Variants in KIAA1549 observed in about 807,000 individuals in gnomAD.
The protein encoded by KIAA1549 is UPF0606 protein KIAA1549.
KIAA1549 carries 70 observed loss-of-function variants against 156.4 expected under a neutral mutation model. The observed-to-expected ratio is 0.45, with a 90% CI of 0.37 to 0.55. The LOEUF (loss-of-function observed/expected upper bound fraction) is 0.55, where lower values mean the gene tolerates loss of function less well. Ranked by LOEUF, KIAA1549 falls within the 20% of genes least tolerant of loss-of-function variation. The probability of loss-of-function intolerance (pLI) is 0.00; values close to 1 mark genes in which losing one functional copy is unlikely to be tolerated. For missense variants in KIAA1549, 2,428 were observed against 2,540.9 expected (o/e 0.96, Z 0.96); for synonymous variants, 1,103 against 1,066.4 (o/e 1.03, Z -0.67).
At chr7:138,876,743 T>A (rs892085179) in intron 12 of KIAA1549, among the ~76,000 whole-genome samples, 2 of 152,176 alleles carry the variant, frequency 1.3e-5, no homozygotes, top group African/African-American at 2.4e-5. Context: ...TCCCTTCACA[T>A]CTTCACTAAG....
At chr7:138,972,978 C>T (rs1288850814) in intron 1 of KIAA1549, among the ~76,000 whole-genome samples, 2 of 152,142 alleles carry the variant, frequency 1.3e-5, no homozygotes, top group African/African-American at 4.8e-5. Context: ...CCCGCCACCA[C>T]ACCTGGCTAA....
intron 1 of KIAA1549, among the ~76,000 whole-genome samples, chr7:138,963,796 G>A (rs1813928096): frequency 6.6e-6 from 1 of 152,200 alleles, no homozygotes; most frequent in African/African-American, 2.4e-5. Context: ...CGGAGGAGAT[G>A]TATGACAACC....
chr7:138,854,880 G>A (rs10954631), intron 16 of KIAA1549, among the ~76,000 whole-genome samples: 41,266 of 152,070 alleles, frequency 0.27, 12,049 homozygotes, highest in African/African-American at 0.74. Flanking sequence ...ATAACAACAC[G>A]AACCTGCCAA....
intron 16 of KIAA1549, among the ~76,000 whole-genome samples, chr7:138,860,676 G>A (rs778984611): frequency 1.3e-5 from 2 of 152,218 alleles, no homozygotes; most frequent in Non-Finnish European, 2.9e-5. Flanking sequence ...CACTGTCCAC[G>A]TGGGGACTGG....
intron 14 of KIAA1549, among the ~76,000 whole-genome samples, chr7:138,868,787 G>A (rs1810830182): frequency 6.6e-6 from 1 of 152,202 alleles, no homozygotes. Context: ...GATGTGGGAA[G>A]CAGGTGCCAG....
chr7:138,940,169 C>T (rs1457973395), intron 1 of KIAA1549, among the ~76,000 whole-genome samples: 1 of 151,980 alleles, frequency 6.6e-6, no homozygotes, highest in Admixed American at 6.6e-5. Context: ...CCCCGCTCCC[C>T]CCACCCCACA....
chr7:138,962,147 GGCTTA>G, intron 1 of KIAA1549, among the ~76,000 whole-genome samples: 1 of 152,064 alleles, frequency 6.6e-6, no homozygotes, highest in African/African-American at 2.4e-5. Context: ...AGGATTACAT[GGCTTA>G]ATACAATTAA....
At position 138,879,336 on chromosome 7, in the gene KIAA1549, C is replaced by T. The variant is rs147105445; in HGVS notation, c.4345+202G>A. On this transcript the variant is annotated intron_variant, in intron 12 of 19. Coordinates refer to ENST00000422774, the MANE Select transcript of KIAA1549 (RefSeq NM_001164665.2). ...CGAGGCTATTAACCTTAAGACGTAC[C>T]CCAGTGAATCCCTGGCCCCAAAGCA... is the stretch of plus-strand genomic sequence containing the variant. Among the ~76,000 whole-genome samples the T allele has an allele frequency of 6.9e-3, 1,047 of 152,240 alleles. 8 individuals are homozygous for T. The highest frequency in any genetic ancestry group is 0.014 in the Middle Eastern group (4 of 294).
At chr7:138,865,811 A>T (rs1356667305) in intron 15 of KIAA1549, among the ~76,000 whole-genome samples, 2 of 152,224 alleles carry the variant, frequency 1.3e-5, no homozygotes, top group Non-Finnish European at 2.9e-5. Context: ...GTTCCTCCCC[A>T]TACAAAACTC....
chr7:138,955,326 GAC>G (rs1287636643), intron 1 of KIAA1549, among the ~76,000 whole-genome samples: 2 of 152,182 alleles, frequency 1.3e-5, no homozygotes, highest in African/African-American at 4.8e-5. Context: ...AGGAAATTCT[GAC>G]ACACACTACA....
chr7:138,937,642 A>G (rs553148270), intron 1 of KIAA1549, among the ~76,000 whole-genome samples: 2 of 152,322 alleles, frequency 1.3e-5, no homozygotes, highest in East Asian at 3.9e-4. Flanking sequence ...TGCTCCAGGC[A>G]GAGGGGGTGG....
chr7:138,889,782 C>A (rs529579148), intron 10 of KIAA1549, among the ~76,000 whole-genome samples: 1 of 151,554 alleles, frequency 6.6e-6, no homozygotes, highest in Non-Finnish European at 1.5e-5. Flanking sequence ...CCAGTCTGTG[C>A]GTATTATGCA....
intron 10 of KIAA1549, among the ~76,000 whole-genome samples, chr7:138,889,604 G>T (rs1315411020): frequency 1.3e-5 from 2 of 152,116 alleles, no homozygotes; most frequent in South Asian, 2.1e-4. Flanking sequence ...AAACTGACTG[G>T]TTTTTTTCTG....
intron 10 of KIAA1549, among the ~76,000 whole-genome samples, chr7:138,882,290 G>T (rs1339781850): frequency 6.6e-6 from 1 of 152,232 alleles, no homozygotes; most frequent in Admixed American, 6.5e-5. Flanking sequence ...CAGGCAGAAA[G>T]ACCTAGAAGC....
At chr7:138,854,354 A>G (rs1344139338) in intron 16 of KIAA1549, among the ~76,000 whole-genome samples, 12 of 152,292 alleles carry the variant, frequency 7.9e-5, no homozygotes, top group African/African-American at 2.2e-4. Context: ...TGTACTTGCT[A>G]CTCAAAGGAC....
At position 138,832,897 on chromosome 7, in the gene KIAA1549, G is replaced by A; in HGVS notation, c.*5009C>T. 1 of 229,872 alleles carries A rather than the reference G, an allele frequency of 4.4e-6. No homozygotes were observed. The highest frequency in any genetic ancestry group is 1.8e-4 in the South Asian group (1 of 5,490). The allele number at this position is 229,872 out of a possible 1,614,324, so 14.2% of individuals were successfully genotyped here. On this transcript the variant is annotated 3_prime_UTR_variant, in exon 20 of 20. Coordinates refer to ENST00000422774, the MANE Select transcript of KIAA1549 (RefSeq NM_001164665.2). ...AATGCACATCCTCCTTGTTCATTAG[G>A]TAACAAGTGTTAAGTCTATCATAGT...
chr7:138,910,841 G>A (rs1050784188), intron 4 of KIAA1549, among the ~76,000 whole-genome samples: 1 of 150,180 alleles, frequency 6.7e-6, no homozygotes, highest in African/African-American at 2.5e-5. Flanking sequence ...GACTACAGGT[G>A]TGAGCCACCA....
At chr7:138,974,625 G>C (rs1056517757) in intron 1 of KIAA1549, among the ~76,000 whole-genome samples, 2 of 151,782 alleles carry the variant, frequency 1.3e-5, no homozygotes, top group African/African-American at 2.4e-5. Flanking sequence ...GTTTCACTAT[G>C]TTGGCCAGGC....
chr7:138,880,598 G>A (rs548553537), intron 11 of KIAA1549, among the ~76,000 whole-genome samples: 4 of 152,146 alleles, frequency 2.6e-5, no homozygotes, highest in Non-Finnish European at 4.4e-5. Context: ...AGGATTTGGC[G>A]TTCCAAAGCT....
Sources: gnomAD v4.1 joint callset for allele counts (sites outside exome capture counted in the v4.1 genomes callset) on GRCh38, gnomAD v4.1.1 for gene constraint, MANE v1.5 for transcripts, NCBI Gene and HGNC (gene_info 2026-07-23, HGNC 2026-07-21) for gene names.